The following DMD variants were observed in gnomAD, a reference collection of about 807,000 sequenced individuals.
The protein encoded by DMD is mutant dystrophin.
In DMD, 63 loss-of-function variants were observed where a neutral mutation model predicts 330.1. The ratio of observed to expected loss-of-function variants is 0.19; its 90% CI spans 0.16 to 0.24. The LOEUF is 0.24. DMD is among the 10% of genes least tolerant of loss of function. The probability of loss-of-function intolerance (pLI) is 1.00; values close to 1 mark genes in which losing one functional copy is unlikely to be tolerated. For missense variants in DMD, 3,344 were observed against 2,684.1 expected (o/e 1.25, Z -5.43); for synonymous variants, 1,223 against 959.8 (o/e 1.27, Z -5.07).
intron 1 of DMD, chrX:33,129,198 A>C (rs2148527152): frequency 9.1e-6 from 1 of 110,418 alleles, no homozygotes; most frequent in Non-Finnish European, 1.9e-5. Context: ...CATATAAACT[A>C]AATTTTTCCA....
At chrX:32,362,993 T>C (rs2097842471) in intron 36 of DMD, 35 bp from the exon 37 acceptor site, 1 of 1,162,546 alleles carries the variant, frequency 8.6e-7, no homozygotes, top group Middle Eastern at 2.4e-4. Context: ...GACTTGAAGT[T>C]AGTAATTAAT....
intron 29 of DMD, among the ~76,000 whole-genome samples, chrX:32,425,721 G>A (rs138037211): frequency 1.4e-3 from 154 of 111,437 alleles, no homozygotes; most frequent in Middle Eastern, 0.014. Context: ...GAGGCATCAT[G>A]TTAGCTGACT....
At chrX:32,661,814 T>C (rs1326590993) in intron 9 of DMD, among the ~76,000 whole-genome samples, 2 of 111,626 alleles carry the variant, frequency 1.8e-5, no homozygotes, top group Non-Finnish European at 3.8e-5. Context: ...ACCATAAGTT[T>C]CATTAGCACA....
rs188335019 is a variant in DMD, at chrX:31,241,177, C to A, written c.9287-18056G>T. On this transcript the variant is annotated intron_variant, in intron 63 of 78. Coordinates refer to ENST00000357033, the MANE Select transcript of DMD (RefSeq NM_004006.3). ...GTGGACCAAACTCTTTCTTCGGTTC[C>A]CCTTTTCAAATGGCTTTAGAGTATT... Among the ~76,000 whole-genome samples the A allele has an allele frequency of 5.6e-4, 63 of 111,514 alleles. No individual in the cohort carries two copies. The East Asian group carries it at 0.017, about 30-fold the overall frequency.
At position 32,625,176 on chromosome X, in the gene DMD, A is replaced by C. The variant is rs777286383; in HGVS notation, c.1332-10723T>G. On this transcript the variant is annotated intron_variant, in intron 11 of 78. Transcript: ENST00000357033. ...ACAGAGTGAAACGCCGTTTCAAAAA[A>C]CAAAAAAGAAAGAATGTAGGAAGGC... Among the ~76,000 whole-genome samples, 4 of 111,607 alleles carry C rather than the reference A, an allele frequency of 3.6e-5. No homozygotes were observed. The South Asian group carries it at 1.5e-3, about 42-fold the overall frequency.
chrX:33,269,459 A>T (rs997546246), intron 1 of DMD, among the ~76,000 whole-genome samples: 6 of 111,185 alleles, frequency 5.4e-5, no homozygotes, highest in African/African-American at 1.6e-4. Flanking sequence ...CCGGCGGGGA[A>T]GGAGTTAAAA....
intron 4 of DMD, among the ~76,000 whole-genome samples, chrX:32,825,298 T>C (rs1030576698): frequency 9.0e-6 from 1 of 111,292 alleles, no homozygotes; most frequent in African/African-American, 3.3e-5. Context: ...TAACCCCTTA[T>C]CCACTGTCAT....
At chrX:31,456,876 G>GTGTGTGTGTGTGTGTGTA (rs752346201) in intron 59 of DMD, among the ~76,000 whole-genome samples, 4 of 68,695 alleles carry the variant, frequency 5.8e-5, no homozygotes, top group Admixed American at 3.2e-4. Context: ...GTGTGTGTGT[G>GTGTGTGTGTGTGTGTGTA]TATATATATA....
At chrX:31,845,971 T>A (rs1451215211) in intron 48 of DMD, among the ~76,000 whole-genome samples, 3 of 111,045 alleles carry the variant, frequency 2.7e-5, no homozygotes, top group Non-Finnish European at 1.9e-5. Flanking sequence ...CAGTGATACT[T>A]GTAGAGTGAC....
chrX:32,292,561 C>A (rs1216999178), intron 42 of DMD, among the ~76,000 whole-genome samples: 1 of 109,964 alleles, frequency 9.1e-6, no homozygotes, highest in Non-Finnish European at 1.9e-5. Flanking sequence ...CCCGCCTCAG[C>A]CTCCCAAAAC....
chrX:31,412,090 G>A (rs1341711126), intron 60 of DMD, among the ~76,000 whole-genome samples: 2 of 105,733 alleles, frequency 1.9e-5, no homozygotes, highest in African/African-American at 3.5e-5. Context: ...GGAGGCTGAG[G>A]CAGAAGAATC....
rs1569534676 is a variant in DMD at position 32,033,661 on chromosome X, AAAG to A, written c.6439-65150_6439-65148del. Among the ~76,000 whole-genome samples, 75 of 78,717 alleles carry A rather than the reference AAAG, an allele frequency of 9.5e-4. 4 individuals are homozygous for A. Among genetic ancestry groups the A allele is most frequent in the African/African-American group, 2.7e-3 (47 of 17,181 alleles). 68.4% of individuals were successfully genotyped at this position (78,717 alleles called of 115,157 possible). On this transcript the variant is annotated intron_variant, in intron 44 of 78. Coordinates refer to ENST00000357033, the MANE Select transcript of DMD (RefSeq NM_004006.3). ...AGAAAGAAAGAAAGAAAGAAGAAAG[AAAG>A]AAAGAAAGGAAGGAAAGAAAGAAAG...
intron 41 of DMD, among the ~76,000 whole-genome samples, chrX:32,330,666 A>G (rs1397788157): frequency 8.1e-5 from 9 of 111,594 alleles, no homozygotes; most frequent in Admixed American, 7.7e-4. Flanking sequence ...TGTATGAGTT[A>G]TATTTATCAA....
rs192794858 is a variant in DMD at position 32,138,752 on chromosome X, T to C, written c.6438+78164A>G. On this transcript the variant is annotated intron_variant, in intron 44 of 78. Transcript: ENST00000357033. ...AGAGTTGGAATTCTGAATCTCAAGC[T>C]ACAGCTCCTGTCATGCCATACTACA... Among the ~76,000 whole-genome samples, 55 of 112,209 alleles carry C rather than the reference T, an allele frequency of 4.9e-4. No homozygotes were observed. The Admixed American group carries it at 5.0e-3, about 10-fold the overall frequency.
At chrX:32,027,150 ACACACACGCACGTG>A (rs2095850817) in intron 44 of DMD, among the ~76,000 whole-genome samples, 1 of 72,152 alleles carries the variant, frequency 1.4e-5, no homozygotes, top group Admixed American at 1.8e-4. Context: ...TATGACACAC[ACACACACGCACGTG>A]CACACACACA....
At chrX:31,748,322 G>A (rs765392796) in intron 51 of DMD, among the ~76,000 whole-genome samples, 1 of 111,913 alleles carries the variant, frequency 8.9e-6, no homozygotes, top group African/African-American at 3.2e-5. Context: ...CTACTGAAGA[G>A]GTGTTGGGAG....
intron 63 of DMD, among the ~76,000 whole-genome samples, chrX:31,239,387 A>G (rs73464338): frequency 0.014 from 1,603 of 112,156 alleles, 28 homozygotes; most frequent in African/African-American, 0.049. Flanking sequence ...TTAGAAATAG[A>G]ATCTCTAATT....
intron 44 of DMD, among the ~76,000 whole-genome samples, chrX:32,017,032 G>T (rs972103737): frequency 8.9e-6 from 1 of 112,056 alleles, no homozygotes; most frequent in Non-Finnish European, 1.9e-5. Context: ...AATGCTTGGG[G>T]AGCAATCCTT....
chrX:31,209,544 G>C lies in DMD; in HGVS notation c.9517C>G (p.Leu3173Val). 3 of 1,211,251 alleles carry C rather than the reference G, an allele frequency of 2.5e-6. No individual in the cohort carries two copies. Among genetic ancestry groups the C allele is most frequent in the Non-Finnish European group, 3.4e-6 (3 of 895,373 alleles). ...QEHNNLVNVP[L>V]CVDMCLNWLL... ...CAGTTCAGACACATATCCACGCAGA[G>C]AGGGACGTTGACCAAATTGTTGTGC... Residue 3173 changes from leucine to valine, a missense_variant, in exon 65 of 79, where the codon CTC becomes GTC. Transcript: ENST00000357033.
Sources: gnomAD v4.1 joint callset for allele counts (sites outside exome capture counted in the v4.1 genomes callset) on GRCh38, gnomAD v4.1.1 for gene constraint, MANE v1.5 for transcripts, NCBI Gene and HGNC (gene_info 2026-07-23, HGNC 2026-07-21) for gene names.